The following NHSL3 variants were observed in gnomAD, a reference collection of about 807,000 sequenced individuals.
The protein encoded by NHSL3 is NHS like 3.
At chr1:32,754,593 A>G in the NHSL3 span, among the ~76,000 whole-genome samples, 5 of 152,166 alleles carry the variant, frequency 3.3e-5, no homozygotes, top group Non-Finnish European at 7.3e-5. Context: ...AGTCGTTCAC[A>G]CACATCGGTC....
the NHSL3 span, among the ~76,000 whole-genome samples, chr1:32,761,017 C>T: frequency 6.6e-6 from 1 of 152,130 alleles, no homozygotes; most frequent in African/African-American, 2.4e-5. Context: ...TCCCGGTGTG[C>T]CCTCCGTGCT....
chr1:32,768,423 G>A, the NHSL3 span, among the ~76,000 whole-genome samples: 4 of 152,086 alleles, frequency 2.6e-5, no homozygotes, highest in African/African-American at 9.7e-5. Context: ...GTGAAACCCT[G>A]TCTCTACTAG....
chr1:32,770,212 T>TC, the NHSL3 span: 1 of 1,603,900 alleles, frequency 6.2e-7, no homozygotes. This position sits in a 1 kb window ranked among gnomAD's most constrained non-coding sequence, Gnocchi z 8.3. Flanking sequence ...CATGTCCATC[T>TC]CCCCCCAGGC....
At chr1:32,755,526 C>T in the NHSL3 span, among the ~76,000 whole-genome samples, 1 of 152,120 alleles carries the variant, frequency 6.6e-6, no homozygotes, top group Admixed American at 6.5e-5. Flanking sequence ...AGATTCCTTT[C>T]ACTTGTCTGG....
chr1:32,743,852 C>T, the NHSL3 span, among the ~76,000 whole-genome samples: 4 of 152,154 alleles, frequency 2.6e-5, no homozygotes, highest in East Asian at 7.7e-4. Flanking sequence ...TTTGAGCCCA[C>T]GTGCATGGGT....
chr1:32,757,905 G>T, the NHSL3 span, among the ~76,000 whole-genome samples: 1 of 152,188 alleles, frequency 6.6e-6, no homozygotes, highest in African/African-American at 2.4e-5. Context: ...CCGGCCCCGG[G>T]GGATTTGGAC....
chr1:32,753,934 C>A, the NHSL3 span: 1 of 273,742 alleles, frequency 3.7e-6, no homozygotes, highest in Non-Finnish European at 7.1e-6. Flanking sequence ...CCGGCCTGGC[C>A]ATTGGCCGCA....
the NHSL3 span, chr1:32,770,071 C>A: frequency 1.3e-6 from 2 of 1,560,570 alleles, no homozygotes; most frequent in African/African-American, 1.4e-5. This position sits in a 1 kb window ranked among gnomAD's most constrained non-coding sequence, Gnocchi z 8.3. Flanking sequence ...CCACATTGAC[C>A]GTGTCTACCG....
chr1:32,765,905 T>C, the NHSL3 span: 3 of 1,382,198 alleles, frequency 2.2e-6, no homozygotes, highest in Non-Finnish European at 3.0e-6. Flanking sequence ...GAATGAGGAA[T>C]CAAGGCTGGG....
At chr1:32,760,379 G>A in the NHSL3 span, among the ~76,000 whole-genome samples, 8 of 152,348 alleles carry the variant, frequency 5.3e-5, no homozygotes, top group Admixed American at 2.6e-4. Context: ...CAGTGCGTGC[G>A]CATGCGCGTG....
chr1:32,761,026 C>G, the NHSL3 span, among the ~76,000 whole-genome samples: 11 of 152,154 alleles, frequency 7.2e-5, no homozygotes, highest in South Asian at 4.1e-4. Context: ...GCCCTCCGTG[C>G]TGGGGGCGTG....
At chr1:32,751,647 GA>G in the NHSL3 span, among the ~76,000 whole-genome samples, 1 of 152,190 alleles carries the variant, frequency 6.6e-6, no homozygotes, top group African/African-American at 2.4e-5. Flanking sequence ...GCTGGGGGAA[GA>G]GGGGGTGCAA....
chr1:32,754,002 T>A, the NHSL3 span: 1 of 424,476 alleles, frequency 2.4e-6, no homozygotes, highest in Non-Finnish European at 4.3e-6. Flanking sequence ...CGCCCGCGAG[T>A]CTCGCTGCCT....
the NHSL3 span, chr1:32,771,109 G>T: frequency 6.2e-7 from 1 of 1,613,390 alleles, no homozygotes; most frequent in Non-Finnish European, 8.5e-7. Flanking sequence ...AGCCCCCTCA[G>T]ACCGCTCTGG....
chr1:32,758,218 G>A, the NHSL3 span, among the ~76,000 whole-genome samples: 3 of 152,290 alleles, frequency 2.0e-5, no homozygotes, highest in Non-Finnish European at 4.4e-5. Context: ...TGGGTAGGTT[G>A]GGGAATGGTG....
At chr1:32,757,899 C>T in the NHSL3 span, among the ~76,000 whole-genome samples, 1 of 152,270 alleles carries the variant, frequency 6.6e-6, no homozygotes, top group South Asian at 2.1e-4. Flanking sequence ...GCGGCCCCGG[C>T]CCCGGGGGAT....
At chr1:32,742,988 C>T in the NHSL3 span, among the ~76,000 whole-genome samples, 1 of 152,244 alleles carries the variant, frequency 6.6e-6, no homozygotes, top group Non-Finnish European at 1.5e-5. Flanking sequence ...AGTCCCTGGG[C>T]TCCTCCTCTG....
chr1:32,750,121 G>A, the NHSL3 span, among the ~76,000 whole-genome samples: 2 of 152,160 alleles, frequency 1.3e-5, no homozygotes, highest in Non-Finnish European at 2.9e-5. Context: ...TTCCTTGTGC[G>A]GACCCAAAGG....
the NHSL3 span, among the ~76,000 whole-genome samples, chr1:32,762,387 C>A: frequency 6.6e-6 from 1 of 151,692 alleles, no homozygotes; most frequent in African/African-American, 2.4e-5. Context: ...TTCACAGACT[C>A]TCTTTCACAG....
Sources: allele counts gnomAD v4.1 joint callset (sites outside exome capture counted in the v4.1 genomes callset), GRCh38; gene constraint gnomAD v4.1.1; non-coding constraint Gnocchi (gnomAD v3.1); transcripts MANE v1.5; gene names NCBI Gene and HGNC (gene_info 2026-07-23, HGNC 2026-07-21).